The following ARB2A variants were observed in gnomAD, a reference collection of about 807,000 sequenced individuals.
ARB2A encodes ARB2 cotranscriptional regulator A, also known as cotranscriptional regulator ARB2A.
chr5:93,765,295 C>T, the ARB2A span, among the ~76,000 whole-genome samples: 2 of 152,222 alleles, frequency 1.3e-5, no homozygotes, highest in African/African-American at 4.8e-5. Flanking sequence ...TCTAGAAAAC[C>T]CCATTGTCTC....
chr5:93,719,711 CT>C, the ARB2A span, among the ~76,000 whole-genome samples: 1 of 152,138 alleles, frequency 6.6e-6, no homozygotes, highest in Non-Finnish European at 1.5e-5. Flanking sequence ...ACATTATTTC[CT>C]TGCAGAAACT....
At chr5:93,763,491 C>T in the ARB2A span, among the ~76,000 whole-genome samples, 3 of 152,184 alleles carry the variant, frequency 2.0e-5, no homozygotes, top group African/African-American at 4.8e-5. Context: ...CAACAAGAAG[C>T]GCTAACTACC....
the ARB2A span, among the ~76,000 whole-genome samples, chr5:93,756,100 G>A: frequency 2.0e-5 from 3 of 152,204 alleles, no homozygotes; most frequent in East Asian, 5.8e-4. Context: ...TGTGACTGCC[G>A]GCTTTCCCCC....
chr5:93,680,404 G>A, the ARB2A span, among the ~76,000 whole-genome samples: 1 of 152,078 alleles, frequency 6.6e-6, no homozygotes, highest in African/African-American at 2.4e-5. Flanking sequence ...GAACTTAAGT[G>A]ATTTGATCAA....
chr5:93,682,869 G>C, the ARB2A span: 2 of 1,448,726 alleles, frequency 1.4e-6, no homozygotes, highest in Non-Finnish European at 1.9e-6. Context: ...CAGAGATCTT[G>C]AATAGCCTCT....
At chr5:93,674,507 T>C in the ARB2A span, among the ~76,000 whole-genome samples, 24 of 152,226 alleles carry the variant, frequency 1.6e-4, no homozygotes, top group South Asian at 2.1e-4. Context: ...AAGAGGTATA[T>C]TGAATTTAGA....
the ARB2A span, among the ~76,000 whole-genome samples, chr5:93,864,791 A>G: frequency 2.0e-5 from 3 of 152,142 alleles, no homozygotes; most frequent in African/African-American, 7.2e-5. Context: ...GAAAAATAAA[A>G]TTTTCCTAAA....
At chr5:93,802,317 C>T in the ARB2A span, among the ~76,000 whole-genome samples, 2 of 151,594 alleles carry the variant, frequency 1.3e-5, no homozygotes, top group Non-Finnish European at 2.9e-5. Context: ...TCATAGATGA[C>T]ACATAAATGG....
the ARB2A span, among the ~76,000 whole-genome samples, chr5:93,873,841 T>TA: frequency 6.6e-6 from 1 of 152,194 alleles, no homozygotes; most frequent in Non-Finnish European, 1.5e-5. Context: ...GAGTGTGACT[T>TA]ATCTGATTAG....
the ARB2A span, among the ~76,000 whole-genome samples, chr5:93,751,412 G>A: frequency 3.9e-5 from 6 of 152,202 alleles, no homozygotes; most frequent in South Asian, 1.2e-3. Flanking sequence ...AGAATACTTA[G>A]ACATCAAATA....
the ARB2A span, among the ~76,000 whole-genome samples, chr5:94,045,392 G>A: frequency 1.3e-5 from 2 of 151,850 alleles, no homozygotes; most frequent in Admixed American, 6.6e-5. Flanking sequence ...TTGGGGTCTC[G>A]ATCAGGACCC....
At chr5:93,995,524 A>G in the ARB2A span, among the ~76,000 whole-genome samples, 1 of 152,184 alleles carries the variant, frequency 6.6e-6, no homozygotes, top group Non-Finnish European at 1.5e-5. Context: ...GAGAAAGGTG[A>G]TTCATCTTGT....
the ARB2A span, among the ~76,000 whole-genome samples, chr5:93,629,186 G>C: frequency 6.6e-6 from 1 of 152,258 alleles, no homozygotes; most frequent in South Asian, 2.1e-4. Context: ...AGAGACGGCG[G>C]AATGGCCAAT....
At chr5:93,949,640 G>A in the ARB2A span, among the ~76,000 whole-genome samples, 1 of 152,040 alleles carries the variant, frequency 6.6e-6, no homozygotes, top group Admixed American at 6.6e-5. Flanking sequence ...TTTATCCTGT[G>A]TGTTACAATC....
chr5:93,747,814 T>G, the ARB2A span, among the ~76,000 whole-genome samples: 1 of 152,264 alleles, frequency 6.6e-6, no homozygotes, highest in African/African-American at 2.4e-5. Context: ...GCAGTAATTA[T>G]ATCAAACCAA....
the ARB2A span, among the ~76,000 whole-genome samples, chr5:93,642,665 T>C: frequency 0.21 from 32,374 of 152,072 alleles, 5,174 homozygotes; most frequent in African/African-American, 0.44. Flanking sequence ...TGAGCCACTG[T>C]GACCGGCCCC....
the ARB2A span, among the ~76,000 whole-genome samples, chr5:94,090,146 CCTAT>C: frequency 6.6e-6 from 1 of 152,170 alleles, no homozygotes; most frequent in South Asian, 2.1e-4. Flanking sequence ...ATTGATTCTT[CCTAT>C]CTATGAGCAT....
chr5:93,819,720 C>T, the ARB2A span, among the ~76,000 whole-genome samples: 1 of 152,194 alleles, frequency 6.6e-6, no homozygotes, highest in Non-Finnish European at 1.5e-5. Context: ...ATTTTCTCTT[C>T]AGTGTAAATC....
chr5:93,833,905 G>C, the ARB2A span, among the ~76,000 whole-genome samples: 4 of 152,196 alleles, frequency 2.6e-5, no homozygotes, highest in Admixed American at 2.0e-4. Context: ...GTATAGTGCT[G>C]AGGTTTGAGA....
Sources: gnomAD v4.1 joint callset for allele counts (sites outside exome capture counted in the v4.1 genomes callset) on GRCh38, gnomAD v4.1.1 for gene constraint, MANE v1.5 for transcripts, NCBI Gene and HGNC (gene_info 2026-07-23, HGNC 2026-07-21) for gene names.